PEX1: variants seen among roughly 807,000 people sequenced by gnomAD.
PEX1 encodes the protein peroxisomal ATPase PEX1.
A neutral mutation model predicts 152.5 loss-of-function variants in PEX1; 97 were observed. The observed-to-expected ratio is 0.64, with a 90% CI of 0.54 to 0.75. PEX1 has a LOEUF of 0.75. Among genes scored for constraint, PEX1 ranks in the 30% least tolerant of loss-of-function variants. The pLI, the probability that PEX1 is intolerant of heterozygous loss-of-function variation, is 0.00. For missense variants in PEX1, 1,357 were observed against 1,516.3 expected (o/e 0.89, Z 1.74); for synonymous variants, 485 against 531.6 (o/e 0.91, Z 1.21).
chr7:92,489,485 T>C (rs928197279), intron 22 of PEX1, 62 bp from the exon 23 acceptor site: 23 of 1,436,014 alleles, frequency 1.6e-5, no homozygotes, highest in South Asian at 1.4e-4. Flanking sequence ...AATGTGGTAG[T>C]CCAGTTGTTA....
At chr7:92,518,954 T>C (rs887546553) in intron 3 of PEX1, 41 bp downstream of exon 3, 5 of 1,335,886 alleles carry the variant, frequency 3.7e-6, no homozygotes, top group South Asian at 1.2e-5. Context: ...TGTGAAGTAA[T>C]TTAACCTTAA....
chr7:92,502,972 C>T, intron 13 of PEX1, 69 bp downstream of exon 13: 1 of 1,322,568 alleles, frequency 7.6e-7, no homozygotes, highest in Non-Finnish European at 1.1e-6. Context: ...CCACGAATTA[C>T]TAATAAAATT....
intron 10 of PEX1, 22 bp downstream of exon 10, chr7:92,506,972 T>C (rs143167106): frequency 1.2e-6 from 2 of 1,612,580 alleles, no homozygotes; most frequent in African/African-American, 1.3e-5. Flanking sequence ...TACAGAAAAA[T>C]GAACACACCT....
At chr7:92,526,138 C>A (rs187519231) in intron 1 of PEX1, among the ~76,000 whole-genome samples, 246 of 152,284 alleles carry the variant, frequency 1.6e-3, no homozygotes, top group South Asian at 2.7e-3. Context: ...ACAGAAACGA[C>A]CTAGATGCTT....
rs1421764373 is a variant in PEX1, at chr7:92,503,240, T to C, written c.2072-45A>G. ...TGCAAAAGCTTAGGAAAAGTAAACA[T>C]GAAATTTAAAAATTATACATTCATT... On this transcript the variant is annotated intron_variant, in intron 12 of 23. Coordinates refer to ENST00000248633, the MANE Select transcript of PEX1 (RefSeq NM_000466.3). The C allele has an allele frequency of 1.3e-6, 2 of 1,554,038 alleles. 1 individual carries two copies. Among genetic ancestry groups the C allele is most frequent in the Non-Finnish European group, 1.8e-6 (2 of 1,130,492 alleles).
At position 92,517,726 on chromosome 7, in the gene PEX1, T is replaced by A. The variant is rs564163221; in HGVS notation, c.789A>T (p.Thr263=). ...CATTGATTTCAGTTAAACCCCAAGATGTCTCTTGTTTCTTCTCAGATTGAA... is the reference window on the plus strand; with the variant it reads ...CATTGATTTCAGTTAAACCCCAAGAAGTCTCTTGTTTCTTCTCAGATTGAA... ...FSFQSEKKQE[T]SWGLTEINAF... The change falls in exon 5 of 24, where the codon ACA becomes ACT. Residue 263 remains threonine, a synonymous_variant. Coordinates refer to ENST00000248633, the MANE Select transcript of PEX1 (RefSeq NM_000466.3). 3.1e-6 allele frequency: 5 copies of A among 1,611,438 alleles called. No individual in the cohort carries two copies. In the African/African-American group the frequency reaches 6.7e-5, roughly 22 times the overall value.
Position 92,506,341 on chromosome 7 carries a change from T to G in PEX1, c.1807A>C (p.Ser603Arg). 8.8e-6 allele frequency: 14 copies of G among 1,588,016 alleles called. No individual in the cohort carries two copies. Among genetic ancestry groups the G allele is most frequent in the Non-Finnish European group, 1.2e-5 (14 of 1,156,480 alleles). ...GALLLTGGKGSGKSTLAKAIC... is the reference protein window; with the variant it reads ...GALLLTGGKGRGKSTLAKAIC... ...GCTTTGGCTAAAGTTGATTTTCCAC[T>G]TCCCTAGAAAATAATTGCTTTATAG... The change falls in exon 11 of 24, where the codon AGT becomes CGT. Residue 603 changes from serine (S) to arginine (R), a missense_variant. Ser to Arg is a moderately radical substitution (Grantham distance 110). Transcript: ENST00000248633.
intron 1 of PEX1, among the ~76,000 whole-genome samples, chr7:92,525,926 T>C (rs182934380): frequency 2.0e-5 from 3 of 152,170 alleles, no homozygotes; most frequent in East Asian, 3.9e-4. Flanking sequence ...TTTAAAGACA[T>C]GGAATTTGTA....
chr7:92,519,454 A>G (rs1011929456), intron 2 of PEX1, among the ~76,000 whole-genome samples: 1 of 152,254 alleles, frequency 6.6e-6, no homozygotes, highest in African/African-American at 2.4e-5. Flanking sequence ...TGATATACTC[A>G]GCATTTTAGG....
chr7:92,499,871 G>T (rs371834153), intron 15 of PEX1, 33 bp from the exon 16 acceptor site: 51 of 1,567,138 alleles, frequency 3.3e-5, no homozygotes, highest in Non-Finnish European at 4.3e-5. Flanking sequence ...ATGAAAAAGA[G>T]CTCAAGTCTA....
At chr7:92,506,130 A>G (rs1278584540) in intron 11 of PEX1, 118 bp downstream of exon 11, 3 of 341,054 alleles carry the variant, frequency 8.8e-6, no homozygotes, top group African/African-American at 3.5e-5. Context: ...ACTAAATGAT[A>G]AACAGAAAAG....
chr7:92,499,960 A>G, intron 15 of PEX1, 122 bp from the exon 16 acceptor site: 2 of 716,820 alleles, frequency 2.8e-6, no homozygotes, highest in Non-Finnish European at 4.8e-6. Flanking sequence ...ATCTTTCTTT[A>G]GTAACAGCAA....
chr7:92,487,904 G>T (rs895151720), intron 23 of PEX1, among the ~76,000 whole-genome samples: 1 of 152,144 alleles, frequency 6.6e-6, no homozygotes, highest in African/African-American at 2.4e-5. Flanking sequence ...GTTAGTGATG[G>T]TGCAGTATAT....
At position 92,492,855 on chromosome 7, in the gene PEX1, A is replaced by G. The variant is rs1791414543; in HGVS notation, c.3207+98T>C. 3.1e-5 allele frequency: 28 copies of G among 913,284 alleles called. No individual in the cohort carries two copies. The South Asian group carries it at 3.2e-4, about 10-fold the overall frequency. The allele number at this position is 913,284 out of a possible 1,614,324, so 56.6% of individuals were successfully genotyped here. A position where few individuals can be genotyped will look rare whatever the true frequency, so the allele number is the denominator to read the frequency against. ...TTATGTTTCTATACAGTTTTACCAA[A>G]GTTGTTTAAAAAATAGCATTTTTTA... On this transcript the variant is annotated intron_variant, in intron 20 of 23. Transcript: ENST00000248633.
At chr7:92,506,573 C>T in intron 10 of PEX1, 1 of 553,938 alleles carries the variant, frequency 1.8e-6, no homozygotes, top group South Asian at 2.1e-5. Flanking sequence ...TAATCACTTT[C>T]AAACTTAAAT....
chr7:92,506,713 C>T, intron 10 of PEX1: 1 of 513,276 alleles, frequency 1.9e-6, no homozygotes, highest in South Asian at 2.1e-5. Context: ...TCAACCCTAT[C>T]AACACCTAAT....
At chr7:92,516,067 AAAG>A (rs1562864942) in intron 5 of PEX1, among the ~76,000 whole-genome samples, 1,688 of 133,776 alleles carry the variant, frequency 0.013, 14 homozygotes, top group Middle Eastern at 0.023. Context: ...AAAGAAAAGA[AAAG>A]AAAAGAAAAG....
chr7:92,501,548 C>A lies in PEX1; in HGVS notation c.2542G>T (p.Val848Phe). Residue 848 changes from valine to phenylalanine, a missense_variant, in exon 15 of 24, where the codon GTT becomes TTT. Transcript: ENST00000248633. ...GWDKIGGLHE[V>F]RQILMDTIQL... ...ATAGTATCCATGAGTATCTGCCTAACTTCATGTAACCCACCAATCTTGTCC... is the reference window on the plus strand; with the variant it reads ...ATAGTATCCATGAGTATCTGCCTAAATTCATGTAACCCACCAATCTTGTCC... 1 of 1,613,892 alleles carries A rather than the reference C, an allele frequency of 6.2e-7. No homozygotes were observed. Among genetic ancestry groups the A allele is most frequent in the African/African-American group, 1.3e-5 (1 of 75,002 alleles).
rs1337499984 is a variant in PEX1, at chr7:92,492,434, TG to T, written c.3207+518del. 3.9e-5 allele frequency among the ~76,000 whole-genome samples: 6 copies of T among 152,236 alleles called. 1 individual carries two copies. In the South Asian group the frequency reaches 1.0e-3, roughly 26 times the overall value. On this transcript the variant is annotated intron_variant, in intron 20 of 23. Transcript: ENST00000248633. ...CTCCTGCCTTGGCCTGCCAAAGTGC[TG>T]GGATTACAGGCGTGAACCACTGCAC... is the stretch of plus-strand genomic sequence containing the variant.
Sources: gnomAD v4.1 joint callset for allele counts (sites outside exome capture counted in the v4.1 genomes callset) on GRCh38, gnomAD v4.1.1 for gene constraint, MANE v1.5 for transcripts, NCBI Gene and HGNC (gene_info 2026-07-23, HGNC 2026-07-21) for gene names.